The following MYZAP variants were observed in gnomAD, a reference collection of about 807,000 sequenced individuals.
The protein encoded by MYZAP is myocardial zonula adherens protein.
Under a neutral mutation model 69.4 loss-of-function variants are expected in MYZAP, and 66 were observed. The ratio of observed to expected loss-of-function variants is 0.95; its 90% CI spans 0.78 to 1.17. The LOEUF is 1.17. Among genes scored for constraint, MYZAP ranks in the 50% most tolerant of loss-of-function variants. MYZAP has a pLI of 0.00. For synonymous variants in MYZAP, 256 were observed against 205.9 expected (o/e 1.24, Z -2.09); for missense variants, 611 against 556.2 (o/e 1.10, Z -0.99).
At chr15:57,674,104 C>T (rs940901520) in intron 11 of MYZAP, among the ~76,000 whole-genome samples, 1 of 152,120 alleles carries the variant, frequency 6.6e-6, no homozygotes, top group African/African-American at 2.4e-5. Flanking sequence ...AATCTCAATA[C>T]GCAGACATAA....
intron 10 of MYZAP, among the ~76,000 whole-genome samples, chr15:57,645,465 T>C (rs1480727470): frequency 1.3e-5 from 2 of 152,218 alleles, no homozygotes; most frequent in South Asian, 2.1e-4. Context: ...GCAACAAGTA[T>C]GGACTTTAGC....
At chr15:57,625,725 T>G (rs1013835756) in intron 4 of MYZAP, 54 bp from the exon 5 acceptor site, 17 of 1,534,254 alleles carry the variant, frequency 1.1e-5, no homozygotes, top group Non-Finnish European at 1.4e-5. Context: ...AACTGAAGAT[T>G]GTCGTGAACG....
intron 1 of MYZAP, among the ~76,000 whole-genome samples, chr15:57,594,688 C>T (rs914289714): frequency 6.6e-6 from 1 of 152,128 alleles, no homozygotes; most frequent in Non-Finnish European, 1.5e-5. Flanking sequence ...CGACAAAAAT[C>T]ATCAAATGAT....
intron 10 of MYZAP, among the ~76,000 whole-genome samples, chr15:57,655,583 G>A (rs1483285017): frequency 1.3e-5 from 2 of 151,328 alleles, no homozygotes; most frequent in East Asian, 1.9e-4. Context: ...CAGGTAACTC[G>A]ATTGTAGCTA....
At chr15:57,667,128 G>A (rs2038615077) in intron 11 of MYZAP, among the ~76,000 whole-genome samples, 2 of 152,178 alleles carry the variant, frequency 1.3e-5, no homozygotes, top group South Asian at 2.1e-4. Flanking sequence ...TGTGTGTTGT[G>A]TAGCACCTGA....
At chr15:57,593,188 G>GCACACACACACACA (rs199705290) in intron 1 of MYZAP, among the ~76,000 whole-genome samples, 6 of 114,150 alleles carry the variant, frequency 5.3e-5, no homozygotes, top group South Asian at 3.4e-4. Context: ...GTACACAGGC[G>GCACACACACACACA]CACACACACA....
intron 11 of MYZAP, among the ~76,000 whole-genome samples, chr15:57,662,393 C>A (rs980621736): frequency 3.3e-5 from 5 of 152,154 alleles, no homozygotes; most frequent in Admixed American, 1.3e-4. Context: ...TTTGATTAAG[C>A]CCTGCTGTGT....
chr15:57,677,995 G>A (rs1282258380), intron 12 of MYZAP, among the ~76,000 whole-genome samples: 1 of 147,630 alleles, frequency 6.8e-6, no homozygotes, highest in Non-Finnish European at 1.5e-5. Context: ...CTTGAAGCTA[G>A]GAGTTCAAGA....
Position 57,684,588 on chromosome 15 carries a change from C to T in MYZAP, c.*90C>T. 1.2e-6 allele frequency: 1 copy of T among 810,162 alleles called. No homozygotes were observed. Among genetic ancestry groups the T allele is most frequent in the Non-Finnish European group, 2.0e-6 (1 of 488,758 alleles). The allele number at this position is 810,162 out of a possible 1,614,324, so 50.2% of individuals were successfully genotyped here. ...TTTGGGAAGGGTGACTGTTGTTTCCCCTACACACAGTGTAAGCCGGAATGG... is the reference window on the plus strand; with the variant it reads ...TTTGGGAAGGGTGACTGTTGTTTCCTCTACACACAGTGTAAGCCGGAATGG... On this transcript the variant is annotated 3_prime_UTR_variant, in exon 13 of 13. Transcript: ENST00000267853.
At chr15:57,650,919 G>C (rs180957529) in intron 10 of MYZAP, among the ~76,000 whole-genome samples, 3 of 152,366 alleles carry the variant, frequency 2.0e-5, no homozygotes, top group Non-Finnish European at 4.4e-5. Flanking sequence ...GAGAAATGAA[G>C]AGGCTAGAAA....
At chr15:57,641,594 A>T (rs913799239) in intron 10 of MYZAP, among the ~76,000 whole-genome samples, 6 of 152,308 alleles carry the variant, frequency 3.9e-5, no homozygotes, top group Admixed American at 1.3e-4. Flanking sequence ...ATGCCATCAG[A>T]GTTAGCACCC....
At chr15:57,604,413 C>T (rs2034610691) in intron 2 of MYZAP, 58 bp downstream of exon 2, 3 of 1,586,910 alleles carry the variant, frequency 1.9e-6, no homozygotes, top group Admixed American at 3.4e-5. Flanking sequence ...CCTTAACCCA[C>T]TCTCCCATCT....
chr15:57,612,323 G>A (rs576186671), intron 2 of MYZAP, among the ~76,000 whole-genome samples: 1 of 152,314 alleles, frequency 6.6e-6, no homozygotes, highest in South Asian at 2.1e-4. Context: ...TGGCTGGTGG[G>A]GCGGGGGACT....
intron 12 of MYZAP, among the ~76,000 whole-genome samples, chr15:57,681,707 C>T (rs1476626200): frequency 6.6e-6 from 1 of 152,064 alleles, no homozygotes; most frequent in Non-Finnish European, 1.5e-5. Context: ...ATTGCTTGAG[C>T]CTGGGAGGCA....
At chr15:57,621,279 C>CG (rs1438892418) in intron 3 of MYZAP, among the ~76,000 whole-genome samples, 1 of 145,764 alleles carries the variant, frequency 6.9e-6, no homozygotes, top group African/African-American at 2.6e-5. Flanking sequence ...GGCATGATCT[C>CG]GGCTCACTGC....
chr15:57,612,690 G>C (rs1281893195), intron 2 of MYZAP, among the ~76,000 whole-genome samples: 2 of 152,138 alleles, frequency 1.3e-5, no homozygotes, highest in Non-Finnish European at 2.9e-5. Flanking sequence ...CCTTAGGAGA[G>C]GAATTTAGGC....
At chr15:57,635,296 A>G (rs1312031633) in intron 8 of MYZAP, among the ~76,000 whole-genome samples, 2 of 152,220 alleles carry the variant, frequency 1.3e-5, no homozygotes, top group African/African-American at 2.4e-5. Flanking sequence ...GGTTCCTCGT[A>G]TATAGTAAGG....
chr15:57,608,490 G>A (rs1279797093), intron 2 of MYZAP, among the ~76,000 whole-genome samples: 1 of 152,192 alleles, frequency 6.6e-6, no homozygotes, highest in African/African-American at 2.4e-5. Context: ...CCCTAAGGCA[G>A]ATGCCCTGGC....
At chr15:57,643,667 G>A (rs80114236) in intron 10 of MYZAP, among the ~76,000 whole-genome samples, 4,152 of 151,864 alleles carry the variant, frequency 0.027, 256 homozygotes, top group East Asian at 0.27. Flanking sequence ...AAGAGGGTGG[G>A]TTTACATTTT....
Sources: gnomAD v4.1 joint callset for allele counts (sites outside exome capture counted in the v4.1 genomes callset) on GRCh38, gnomAD v4.1.1 for gene constraint, MANE v1.5 for transcripts, NCBI Gene and HGNC (gene_info 2026-07-23, HGNC 2026-07-21) for gene names.